RNF146: variants seen among roughly 807,000 people sequenced by gnomAD.
The protein encoded by RNF146 is E3 ubiquitin-protein ligase RNF146.
RNF146 carries 11 observed loss-of-function variants against 29.7 expected under a neutral mutation model. That is an observed-to-expected ratio of 0.37 (90% CI 0.23 to 0.61). RNF146 has a LOEUF of 0.61. Among genes scored for constraint, RNF146 ranks in the 20% least tolerant of loss-of-function variants. The pLI is 0.66. For synonymous variants in RNF146, 150 were observed against 159.7 expected (o/e 0.94, Z 0.46); for missense variants, 342 against 438.9 (o/e 0.78, Z 1.97).
At chr6:127,284,009 T>A (rs1451556264) in intron 2 of RNF146, among the ~76,000 whole-genome samples, 3 of 151,808 alleles carry the variant, frequency 2.0e-5, no homozygotes, top group African/African-American at 7.2e-5. Flanking sequence ...GGTTTATTCA[T>A]AAATGCAAGA....
chr6:127,287,718 T>G lies in RNF146; in HGVS notation c.*25T>G, dbSNP rs771078767. The G allele has an allele frequency of 7.1e-7, 1 of 1,417,058 alleles. No homozygotes were observed. Among genetic ancestry groups the G allele is most frequent in the South Asian group, 1.3e-5 (1 of 75,752 alleles). The allele number at this position is 1,417,058 out of a possible 1,614,324, so 87.8% of individuals were successfully genotyped here. A position where few individuals can be genotyped will look rare whatever the true frequency, so the allele number is the denominator to read the frequency against. On this transcript the variant is annotated 3_prime_UTR_variant, in exon 3 of 3. Coordinates refer to ENST00000368314, the MANE Select transcript of RNF146 (RefSeq NM_001242850.2). Reference sequence around the variant, plus strand: ...AATAAAAATGTCTTCAGCTCCATGCTCAAGGTTGAAAGGGTTACCTGTAAA... The same window carrying G: ...AATAAAAATGTCTTCAGCTCCATGCGCAAGGTTGAAAGGGTTACCTGTAAA...
At chr6:127,270,681 A>C (rs961687559) in intron 1 of RNF146, among the ~76,000 whole-genome samples, 17 of 151,620 alleles carry the variant, frequency 1.1e-4, no homozygotes, top group African/African-American at 4.2e-4. Context: ...TTCCACTTAT[A>C]CAATACTTTT....
chr6:127,270,296 A>C (rs1777283866), intron 1 of RNF146, among the ~76,000 whole-genome samples: 1 of 152,102 alleles, frequency 6.6e-6, no homozygotes, highest in Non-Finnish European at 1.5e-5. Flanking sequence ...CAGAATTGTT[A>C]GGGGCAAAGT....
chr6:127,286,495 T>C lies in RNF146; in HGVS notation c.3-121T>C. ...CTCTACTTTCATCTTCATATCCCCA[T>C]TGTCTAGTATGTGGCTTGCATATAA... is the stretch of plus-strand genomic sequence containing the variant. On this transcript the variant is annotated intron_variant, in intron 2 of 2. Transcript: ENST00000368314. This position sits in a 1 kb window ranked among gnomAD's most constrained non-coding sequence, Gnocchi z 4.6. The C allele has an allele frequency of 1.1e-6, 1 of 939,462 alleles. No homozygotes were observed. Among genetic ancestry groups the C allele is most frequent in the South Asian group, 1.8e-5 (1 of 54,596 alleles). The allele number at this position is 939,462 out of a possible 1,614,324, so 58.2% of individuals were successfully genotyped here.
At chr6:127,274,732 A>G (rs1777959228) in intron 1 of RNF146, among the ~76,000 whole-genome samples, 1 of 152,106 alleles carries the variant, frequency 6.6e-6, no homozygotes, top group Admixed American at 6.5e-5. Flanking sequence ...AATGACCAAC[A>G]GCAACACTCA....
Position 127,286,764 on chromosome 6 carries a change from C to T in RNF146, c.151C>T (p.Pro51Ser). 6.2e-7 allele frequency: 1 copy of T among 1,613,306 alleles called. No homozygotes were observed. Among genetic ancestry groups the T allele is most frequent in the Non-Finnish European group, 8.5e-7 (1 of 1,179,576 alleles). The change falls in exon 3 of 3, where the codon CCC becomes TCC. Residue 51 changes from proline (P) to serine (S), a missense_variant. Around this residue, in one of 6 missense-constraint regions of RNF146, gnomAD observed 27 missense variants for 66.0 expected, o/e 0.41. Coordinates refer to ENST00000368314, the MANE Select transcript of RNF146 (RefSeq NM_001242850.2). This position sits in a 1 kb window ranked among gnomAD's most constrained non-coding sequence, Gnocchi z 4.6. Reference sequence around the variant, plus strand: ...AACATGTGTTCATCCAGTCAGTCTGCCCTGTAAGCACGTTTTCTGCTATCT... The same window carrying T: ...AACATGTGTTCATCCAGTCAGTCTGTCCTGTAAGCACGTTTTCTGCTATCT... ...LQTCVHPVSL[P>S]CKHVFCYLCV...
At chr6:127,281,307 A>AT (rs1778887032) in intron 2 of RNF146, among the ~76,000 whole-genome samples, 1 of 151,672 alleles carries the variant, frequency 6.6e-6, no homozygotes, top group Non-Finnish European at 1.5e-5. Context: ...ATCTGTATAC[A>AT]TTTTTTAAAA....
At chr6:127,282,785 T>C (rs1021269800) in intron 2 of RNF146, among the ~76,000 whole-genome samples, 5 of 151,768 alleles carry the variant, frequency 3.3e-5, no homozygotes, top group Admixed American at 6.6e-5. Context: ...ACGTAAAACC[T>C]TTCAGTGAAC....
At chr6:127,282,471 A>G (rs770155008) in intron 2 of RNF146, 1 of 151,650 alleles carries the variant, frequency 6.6e-6, no homozygotes, top group Non-Finnish European at 1.5e-5. Context: ...TCATCTACCT[A>G]TCTCCACCTG....
At chr6:127,276,322 C>T (rs1047179408) in intron 1 of RNF146, among the ~76,000 whole-genome samples, 11 of 151,822 alleles carry the variant, frequency 7.2e-5, no homozygotes, top group Admixed American at 2.0e-4. Flanking sequence ...AGGATAGATT[C>T]CAAAGGGATT....
chr6:127,272,954 G>A (rs1190257497), intron 1 of RNF146, among the ~76,000 whole-genome samples: 2 of 152,156 alleles, frequency 1.3e-5, no homozygotes, highest in Admixed American at 6.5e-5. Flanking sequence ...TGCATTTACC[G>A]ATACTGTGTT....
Position 127,286,015 on chromosome 6 carries a change from C to G in RNF146, c.3-601C>G. 1 of 1,222,028 alleles carries G rather than the reference C, an allele frequency of 8.2e-7. No individual in the cohort carries two copies. The highest frequency in any genetic ancestry group is 4.2e-5 in the South Asian group (1 of 23,852). The allele number at this position is 1,222,028 out of a possible 1,614,324, so 75.7% of individuals were successfully genotyped here. On this transcript the variant is annotated intron_variant, in intron 2 of 2. Coordinates refer to ENST00000368314, the MANE Select transcript of RNF146 (RefSeq NM_001242850.2). This position sits in a 1 kb window ranked among gnomAD's most constrained non-coding sequence, Gnocchi z 4.6. ...TGTCAGTGTTTAAGCTAGATACATC[C>G]AATTTGACAAATCTTTTTTCTTCTT...
intron 1 of RNF146, among the ~76,000 whole-genome samples, chr6:127,275,461 G>A (rs1315342248): frequency 6.6e-6 from 1 of 151,986 alleles, no homozygotes; most frequent in Non-Finnish European, 1.5e-5. Flanking sequence ...CCTCACAATA[G>A]TTACTTTTAG....
intron 1 of RNF146, among the ~76,000 whole-genome samples, chr6:127,279,477 A>G (rs1383366669): frequency 6.6e-6 from 1 of 151,760 alleles, no homozygotes; most frequent in African/African-American, 2.4e-5. Context: ...TCATTGGTGT[A>G]TTTATCTGTC....
At chr6:127,271,498 CTA>C (rs1429880931) in intron 1 of RNF146, among the ~76,000 whole-genome samples, 1 of 152,136 alleles carries the variant, frequency 6.6e-6, no homozygotes, top group African/African-American at 2.4e-5. Flanking sequence ...TTCATTGTCT[CTA>C]TTAAACAATT....
chr6:127,279,621 C>T (rs1438092115), intron 1 of RNF146, among the ~76,000 whole-genome samples: 2 of 151,562 alleles, frequency 1.3e-5, no homozygotes, highest in Non-Finnish European at 3.0e-5. Context: ...TCCATTTCTG[C>T]AAAAAAGGTT....
intron 1 of RNF146, among the ~76,000 whole-genome samples, chr6:127,269,872 G>A (rs1031618794): frequency 1.3e-5 from 2 of 152,102 alleles, no homozygotes; most frequent in Admixed American, 6.5e-5. Context: ...GTGATTTCAT[G>A]TAGAACATTT....
chr6:127,278,007 TA>T (rs1388305683), intron 1 of RNF146, among the ~76,000 whole-genome samples: 1 of 152,084 alleles, frequency 6.6e-6, no homozygotes, highest in African/African-American at 2.4e-5. Context: ...ACTAGAATCT[TA>T]AGATACCGTA....
intron 2 of RNF146, among the ~76,000 whole-genome samples, chr6:127,284,475 C>A (rs1225495648): frequency 2.6e-5 from 4 of 151,604 alleles, no homozygotes; most frequent in Non-Finnish European, 4.4e-5. Flanking sequence ...TTAATTGGAG[C>A]TTTAAATAAA....
Sources: allele counts gnomAD v4.1 joint callset (sites outside exome capture counted in the v4.1 genomes callset), GRCh38; gene constraint gnomAD v4.1.1; regional missense constraint gnomAD v4.1.1; non-coding constraint Gnocchi (gnomAD v3.1); transcripts MANE v1.5; gene names NCBI Gene and HGNC (gene_info 2026-07-23, HGNC 2026-07-21).